Variants in DCAF8L2 observed in about 807,000 individuals in gnomAD.
The protein encoded by DCAF8L2 is DDB1 and CUL4 associated factor 8 like 2, also known as DDB1- and CUL4-associated factor 8-like protein 2.
For synonymous variants in DCAF8L2, 200 were observed against 190.9 expected (o/e 1.05, Z -0.39); for missense variants, 430 against 490.7 (o/e 0.88, Z 1.17).
At chrX:27,519,852 G>GGAT in the DCAF8L2 span, 7 of 321,485 alleles carry the variant, frequency 2.2e-5, no homozygotes, top group African/African-American at 1.9e-4. Flanking sequence ...TAATGAAAAA[G>GGAT]GATGTGTGAA....
At chrX:27,551,908 G>A in the DCAF8L2 span, among the ~76,000 whole-genome samples, 16 of 111,989 alleles carry the variant, frequency 1.4e-4, no homozygotes, top group African/African-American at 4.5e-4. Context: ...AGAAATCTCC[G>A]TATTGTTTTC....
intron 2 of DCAF8L2, among the ~76,000 whole-genome samples, chrX:27,643,236 G>A (rs181190505): frequency 4.2e-4 from 47 of 112,117 alleles, no homozygotes; most frequent in African/African-American, 1.4e-3. Context: ...CTAGCCAACA[G>A]TTGTTATCTT....
chrX:27,682,747 C>A (rs1316471419), intron 3 of DCAF8L2, among the ~76,000 whole-genome samples: 3 of 108,208 alleles, frequency 2.8e-5, no homozygotes, highest in African/African-American at 1.0e-4. Flanking sequence ...TCCTAGAGTC[C>A]TTTATTTAAA....
chrX:27,657,404 T>G (rs752778124), intron 2 of DCAF8L2, among the ~76,000 whole-genome samples: 1 of 111,199 alleles, frequency 9.0e-6, no homozygotes, highest in East Asian at 2.8e-4. Flanking sequence ...AATCAAGAAA[T>G]TGAGGCACAG....
chrX:27,573,022 C>G, the DCAF8L2 span, among the ~76,000 whole-genome samples: 1 of 110,079 alleles, frequency 9.1e-6, no homozygotes, highest in Non-Finnish European at 1.9e-5. Flanking sequence ...GTTTACTTGT[C>G]TAAGGTCAGG....
chrX:27,604,641 A>C (rs1191783173), intron 1 of DCAF8L2, among the ~76,000 whole-genome samples: 2 of 112,159 alleles, frequency 1.8e-5, no homozygotes, highest in Non-Finnish European at 3.8e-5. Flanking sequence ...ACTTAACAAA[A>C]ATCTTTGTCT....
chrX:27,544,085 G>A, the DCAF8L2 span, among the ~76,000 whole-genome samples: 14 of 111,279 alleles, frequency 1.3e-4, no homozygotes, highest in Non-Finnish European at 2.6e-4. Flanking sequence ...ACTTTTAAAA[G>A]CCTGAAAGTA....
the DCAF8L2 span, among the ~76,000 whole-genome samples, chrX:27,486,272 C>G: frequency 2.0e-4 from 22 of 110,094 alleles, no homozygotes; most frequent in Admixed American, 1.6e-3. Flanking sequence ...TCCCAAAGTG[C>G]TAGGATTACA....
chrX:27,499,767 G>C, the DCAF8L2 span, among the ~76,000 whole-genome samples: 6,577 of 110,433 alleles, frequency 0.06, 186 homozygotes, highest in Non-Finnish European at 0.096. Flanking sequence ...TCTCCCCCAT[G>C]ATCCAATCAT....
At chrX:27,628,508 C>A (rs957055293) in intron 1 of DCAF8L2, among the ~76,000 whole-genome samples, 1 of 111,182 alleles carries the variant, frequency 9.0e-6, no homozygotes, top group African/African-American at 3.3e-5. Flanking sequence ...AACCTCCATA[C>A]TTTTCTCCAT....
the DCAF8L2 span, among the ~76,000 whole-genome samples, chrX:27,480,897 A>G: frequency 6.2e-5 from 7 of 112,121 alleles, no homozygotes; most frequent in Non-Finnish European, 1.3e-4. Flanking sequence ...AGTCTGAAAT[A>G]TGAATATGTA....
chrX:27,585,111 C>A, the DCAF8L2 span, among the ~76,000 whole-genome samples: 2 of 110,228 alleles, frequency 1.8e-5, no homozygotes, highest in East Asian at 2.9e-4. Context: ...ATTTGGCAAA[C>A]CCTGGTTTAC....
chrX:27,738,160 GT>G (rs1214159529), intron 4 of DCAF8L2, among the ~76,000 whole-genome samples: 1 of 111,468 alleles, frequency 9.0e-6, no homozygotes, highest in Non-Finnish European at 1.9e-5. Flanking sequence ...GGAAGGTTTT[GT>G]CTAAAAAACA....
chrX:27,540,084 T>C, the DCAF8L2 span, among the ~76,000 whole-genome samples: 11 of 111,238 alleles, frequency 9.9e-5, no homozygotes, highest in Non-Finnish European at 2.1e-4. Context: ...GTTTGTGTGA[T>C]ACCAGAACTG....
At position 27,747,729 on chromosome X, in the gene DCAF8L2, G is replaced by C. The variant is rs1394389182; in HGVS notation, c.834G>C (p.Lys278Asn). ...SGHTNNVFQAKFLPNCGDSTL... is the reference protein window; with the variant it reads ...SGHTNNVFQANFLPNCGDSTL... ...ACACAAATAATGTCTTCCAGGCCAA[G>C]TTCCTTCCTAACTGTGGTGATTCCA... The change falls in exon 5 of 5, where the codon AAG becomes AAC. Residue 278 changes from lysine (K) to asparagine (N), a missense_variant. Transcript: ENST00000451261. 8.3e-7 allele frequency: 1 copy of C among 1,211,417 alleles called. No homozygotes were observed. The highest frequency in any genetic ancestry group is 1.1e-6 in the Non-Finnish European group (1 of 895,163).
At chrX:27,634,957 TACAC>T (rs571012816) in intron 2 of DCAF8L2, among the ~76,000 whole-genome samples, 60 of 99,582 alleles carry the variant, frequency 6.0e-4, no homozygotes, top group Middle Eastern at 5.1e-3. Context: ...ACCATGTATA[TACAC>T]ACACACACAC....
chrX:27,609,741 T>G (rs1927072011), intron 1 of DCAF8L2, among the ~76,000 whole-genome samples: 1 of 111,619 alleles, frequency 9.0e-6, no homozygotes, highest in Admixed American at 9.6e-5. Flanking sequence ...AAAATACTGT[T>G]TTCCAGTAGA....
the DCAF8L2 span, among the ~76,000 whole-genome samples, chrX:27,559,086 A>G: frequency 9.1e-6 from 1 of 110,422 alleles, no homozygotes; most frequent in African/African-American, 3.3e-5. Flanking sequence ...CTCTGCCATG[A>G]TTTTAAGTTT....
intron 1 of DCAF8L2, among the ~76,000 whole-genome samples, chrX:27,603,622 A>C (rs919577397): frequency 1.8e-5 from 2 of 112,208 alleles, no homozygotes; most frequent in Non-Finnish European, 3.8e-5. Context: ...ATAAAACAAG[A>C]ACTGATATAA....
Sources: gnomAD v4.1 joint callset for allele counts (sites outside exome capture counted in the v4.1 genomes callset) on GRCh38, gnomAD v4.1.1 for gene constraint, MANE v1.5 for transcripts, NCBI Gene and HGNC (gene_info 2026-07-23, HGNC 2026-07-21) for gene names.